The following COL11A1 variants were observed in gnomAD, a reference collection of about 807,000 sequenced individuals.
COL11A1 encodes the protein collagen type XI alpha 1 chain, also known as collagen alpha-1(XI) chain.
A neutral mutation model predicts 265.2 loss-of-function variants in COL11A1; 74 were observed. That is an observed-to-expected ratio of 0.28 (90% CI 0.23 to 0.34). The LOEUF (loss-of-function observed/expected upper bound fraction) is 0.34, where lower values mean the gene tolerates loss of function less well. Ranked by LOEUF, COL11A1 falls within the 10% of genes least tolerant of loss-of-function variation. The pLI is 1.00. For synonymous variants in COL11A1, 816 were observed against 727.6 expected (o/e 1.12, Z -1.96); for missense variants, 2,165 against 2,263.6 (o/e 0.96, Z 0.88).
At chr1:103,076,881 G>A (rs1672013469) in intron 3 of COL11A1, among the ~76,000 whole-genome samples, 1 of 152,078 alleles carries the variant, frequency 6.6e-6, no homozygotes, top group African/African-American at 2.4e-5. Flanking sequence ...AATACTTATG[G>A]AATGAATGTT....
At chr1:102,938,416 A>G (rs1658374315) in intron 44 of COL11A1, among the ~76,000 whole-genome samples, 1 of 152,168 alleles carries the variant, frequency 6.6e-6, no homozygotes, top group South Asian at 2.1e-4. Flanking sequence ...TTAGAAAATA[A>G]TGTCCACAGA....
intron 62 of COL11A1, among the ~76,000 whole-genome samples, chr1:102,888,073 C>T (rs1651230598): frequency 6.6e-6 from 1 of 152,108 alleles, no homozygotes; most frequent in Non-Finnish European, 1.5e-5. Context: ...AAGATTTTAG[C>T]TCAAGAAAGA....
chr1:103,102,662 C>A (rs1258341294), intron 1 of COL11A1, among the ~76,000 whole-genome samples: 1 of 151,926 alleles, frequency 6.6e-6, no homozygotes, highest in Non-Finnish European at 1.5e-5. Context: ...AAAATTCTGG[C>A]TTTTAAATAC....
chr1:103,102,009 G>A (rs1447606567), intron 1 of COL11A1, among the ~76,000 whole-genome samples: 2 of 152,040 alleles, frequency 1.3e-5, no homozygotes, highest in African/African-American at 4.8e-5. Flanking sequence ...AGCCAAGTTA[G>A]TAGTAGGCCA....
At chr1:102,902,324 G>C (rs1388148590) in intron 54 of COL11A1, among the ~76,000 whole-genome samples, 1 of 151,998 alleles carries the variant, frequency 6.6e-6, no homozygotes, top group African/African-American at 2.4e-5. Flanking sequence ...GCAGAGTCTT[G>C]GCATATGGAG....
intron 14 of COL11A1, among the ~76,000 whole-genome samples, chr1:103,011,041 A>G (rs568637643): frequency 3.6e-4 from 55 of 152,182 alleles, no homozygotes; most frequent in Non-Finnish European, 7.5e-4. Flanking sequence ...TGTTTCTCAA[A>G]TATCTTTGGC....
chr1:102,879,838 G>C lies in COL11A1; in HGVS notation c.5119C>G (p.Arg1707Gly). ...TFLKLLTASA[R>G]QNFTYHCHQS... ...TGACAGTGGTAGGTGAAATTTTGCCGAGCAGAGGCAGTCAGAAGTTTCAGG... is the reference window on the plus strand; with the variant it reads ...TGACAGTGGTAGGTGAAATTTTGCCCAGCAGAGGCAGTCAGAAGTTTCAGG... The change falls in exon 66 of 67, where the codon CGG becomes GGG. Residue 1707 changes from arginine to glycine, a missense_variant. Arg to Gly is a moderately radical substitution (Grantham distance 125, BLOSUM62 -2). Coordinates refer to ENST00000370096, the MANE Select transcript of COL11A1 (RefSeq NM_001854.4). 6.2e-7 allele frequency: 1 copy of C among 1,613,940 alleles called. No individual in the cohort carries two copies. Among genetic ancestry groups the C allele is most frequent in the Non-Finnish European group, 8.5e-7 (1 of 1,179,900 alleles).
intron 41 of COL11A1, among the ~76,000 whole-genome samples, chr1:102,948,552 T>G (rs1659548731): frequency 6.6e-6 from 1 of 151,718 alleles, no homozygotes. Flanking sequence ...AAAAGTGGCA[T>G]TTTTGAGCTG....
rs1427427436 is a variant in COL11A1, at chr1:102,978,762, A to G, written c.2710-10T>C. 1 of 1,613,324 alleles carries G rather than the reference A, an allele frequency of 6.2e-7. No individual in the cohort carries two copies. Among genetic ancestry groups the G allele is most frequent in the East Asian group, 2.2e-5 (1 of 44,850 alleles). ...CGCCACCTGAAGTGCCCTGGCACCA[A>G]GAAAAGAAAAGAAAAATCAGTTTGA... On this transcript the variant is annotated splice_polypyrimidine_tract_variant and intron_variant, in intron 34 of 66. Transcript: ENST00000370096.
chr1:103,106,735 G>A (rs1674720406), intron 1 of COL11A1, among the ~76,000 whole-genome samples: 1 of 152,108 alleles, frequency 6.6e-6, no homozygotes, highest in African/African-American at 2.4e-5. Context: ...AGTCACCCAA[G>A]GGAATAATCT....
At chr1:103,054,191 T>G (rs1487246983) in intron 4 of COL11A1, among the ~76,000 whole-genome samples, 1 of 152,224 alleles carries the variant, frequency 6.6e-6, no homozygotes, top group Non-Finnish European at 1.5e-5. Context: ...GAAAGTAATT[T>G]TGTTGTTTTA....
intron 54 of COL11A1, among the ~76,000 whole-genome samples, chr1:102,901,178 G>A (rs1653145802): frequency 6.6e-6 from 1 of 152,018 alleles, no homozygotes; most frequent in South Asian, 2.1e-4. Flanking sequence ...AAATTAGCTG[G>A]GCGTGGTGGT....
intron 46 of COL11A1, among the ~76,000 whole-genome samples, chr1:102,931,316 G>A (rs1657409430): frequency 6.7e-6 from 1 of 150,276 alleles, no homozygotes; most frequent in Non-Finnish European, 1.5e-5. Context: ...TGGTTTCAAA[G>A]AACATCTTTA....
At chr1:102,887,086 T>C (rs781021575) in intron 62 of COL11A1, 30 bp from the exon 63 acceptor site, 100 of 1,612,856 alleles carry the variant, frequency 6.2e-5, no homozygotes, top group Non-Finnish European at 7.5e-5. Flanking sequence ...AGTGCAATTG[T>C]TTCATAAAGT....
At chr1:102,884,690 GCAGCCCACCCCAA>G (rs1357136936) in intron 63 of COL11A1, 1 of 152,272 alleles carries the variant, frequency 6.6e-6, no homozygotes, top group Non-Finnish European at 1.5e-5. Flanking sequence ...GCACTTGTGG[GCAGCCCACCCCAA>G]GGGAGGAATC....
At chr1:102,932,578 GTTC>G (rs2101180522) in intron 46 of COL11A1, among the ~76,000 whole-genome samples, 1 of 152,244 alleles carries the variant, frequency 6.6e-6, no homozygotes, top group Admixed American at 6.5e-5. Context: ...TCTTGGAGTT[GTTC>G]TTCTCGTGGA....
At chr1:102,955,043 C>T (rs983745663) in intron 41 of COL11A1, among the ~76,000 whole-genome samples, 1 of 152,138 alleles carries the variant, frequency 6.6e-6, no homozygotes, top group African/African-American at 2.4e-5. Context: ...GTCCCCATCA[C>T]TATTGCTACA....
chr1:103,017,983 A>C, intron 10 of COL11A1, 101 bp from the exon 11 acceptor site: 3 of 1,003,006 alleles, frequency 3.0e-6, no homozygotes, highest in Non-Finnish European at 4.7e-6. Context: ...TATTTTATAA[A>C]TATACACTAG....
intron 4 of COL11A1, among the ~76,000 whole-genome samples, chr1:103,049,101 G>A (rs1315230026): frequency 6.6e-6 from 1 of 152,188 alleles, no homozygotes; most frequent in Admixed American, 6.5e-5. Flanking sequence ...GAGTTCTGCA[G>A]ATGTCTATTA....
Sources: gnomAD v4.1 joint callset for allele counts (sites outside exome capture counted in the v4.1 genomes callset) on GRCh38, gnomAD v4.1.1 for gene constraint, MANE v1.5 for transcripts, NCBI Gene and HGNC (gene_info 2026-07-23, HGNC 2026-07-21) for gene names.